Variants in CACNA2D3 observed in about 807,000 individuals in gnomAD.
CACNA2D3 encodes the protein calcium voltage-gated channel auxiliary subunit alpha2delta 3, also known as voltage-dependent calcium channel subunit alpha-2/delta-3.
CACNA2D3 carries 60 observed loss-of-function variants against 160.6 expected under a neutral mutation model. The ratio of observed to expected loss-of-function variants is 0.37; its 90% CI spans 0.30 to 0.46. The LOEUF (loss-of-function observed/expected upper bound fraction) is 0.46, where lower values mean the gene tolerates loss of function less well. CACNA2D3 is among the 20% of genes least tolerant of loss of function. The pLI is 1.00. For missense variants in CACNA2D3, 1,205 were observed against 1,365.0 expected (o/e 0.88, Z 1.85); for synonymous variants, 558 against 492.9 (o/e 1.13, Z -1.75).
At chr3:54,699,008 G>C (rs1700716790) in intron 11 of CACNA2D3, among the ~76,000 whole-genome samples, 1 of 152,150 alleles carries the variant, frequency 6.6e-6, no homozygotes, top group Admixed American at 6.5e-5. Context: ...AGGTAAGAAG[G>C]GTGTAATTAC....
At chr3:54,973,918 G>A (rs1421324325) in intron 29 of CACNA2D3, among the ~76,000 whole-genome samples, 2 of 152,162 alleles carry the variant, frequency 1.3e-5, no homozygotes, top group African/African-American at 4.8e-5. Flanking sequence ...GCACCTTCCT[G>A]TGCCTGATGT....
intron 6 of CACNA2D3, among the ~76,000 whole-genome samples, chr3:54,564,298 G>A (rs1267743234): frequency 6.6e-6 from 1 of 152,228 alleles, no homozygotes; most frequent in Non-Finnish European, 1.5e-5. Context: ...TAAAGGGTTT[G>A]TGTAATAGGG....
chr3:54,672,897 C>T (rs998066261), intron 11 of CACNA2D3, among the ~76,000 whole-genome samples: 2 of 152,126 alleles, frequency 1.3e-5, no homozygotes. Flanking sequence ...CCAATGACAA[C>T]GATTGTGATG....
At chr3:54,757,216 A>T (rs1036936857) in intron 12 of CACNA2D3, among the ~76,000 whole-genome samples, 4 of 152,114 alleles carry the variant, frequency 2.6e-5, no homozygotes, top group African/African-American at 9.7e-5. Context: ...CAGCTGTGCA[A>T]ATAAAGAAGG....
At chr3:54,671,754 G>A (rs555163496) in intron 11 of CACNA2D3, among the ~76,000 whole-genome samples, 1 of 152,288 alleles carries the variant, frequency 6.6e-6, no homozygotes, top group Admixed American at 6.5e-5. Flanking sequence ...AGCAGCCCTG[G>A]AAATGTAGAC....
intron 24 of CACNA2D3, among the ~76,000 whole-genome samples, chr3:54,888,329 G>A (rs572899670): frequency 6.6e-6 from 1 of 152,178 alleles, no homozygotes; most frequent in Non-Finnish European, 1.5e-5. Flanking sequence ...GAGGCGGAAG[G>A]GAACTTCGTT....
chr3:54,685,986 A>G lies in CACNA2D3; in HGVS notation c.1167+43745A>G, dbSNP rs548891555. On this transcript the variant is annotated intron_variant, in intron 11 of 37. Transcript: ENST00000474759. Reference sequence around the variant, plus strand: ...GCACCTGCCCTGAAAGGGGATCAGTAGGTGTTTGCTGCATTACATGGCTTT... The same window carrying G: ...GCACCTGCCCTGAAAGGGGATCAGTGGGTGTTTGCTGCATTACATGGCTTT... Among the ~76,000 whole-genome samples the G allele has an allele frequency of 2.5e-3, 382 of 152,320 alleles. 3 individuals carry two copies. The highest frequency in any genetic ancestry group is 8.8e-3 in the African/African-American group (366 of 41,576).
intron 31 of CACNA2D3, among the ~76,000 whole-genome samples, chr3:54,996,603 CACTTGTTTATCA>C (rs1205351060): frequency 2.6e-5 from 4 of 152,164 alleles, no homozygotes; most frequent in African/African-American, 9.7e-5. Flanking sequence ...GGGGCACTCA[CACTTGTTTATCA>C]AATCAGTGCT....
At chr3:54,544,667 G>A (rs1330321907) in intron 5 of CACNA2D3, among the ~76,000 whole-genome samples, 3 of 152,026 alleles carry the variant, frequency 2.0e-5, no homozygotes, top group African/African-American at 7.2e-5. Context: ...CAAAGCATTT[G>A]GATTACAGGC....
chr3:54,228,187 T>C (rs1238174421), intron 2 of CACNA2D3, among the ~76,000 whole-genome samples: 1 of 152,208 alleles, frequency 6.6e-6, no homozygotes, highest in Non-Finnish European at 1.5e-5. Context: ...CTTGGTCTAT[T>C]CTCCTGATTT....
At chr3:54,967,294 T>C (rs553426546) in intron 27 of CACNA2D3, among the ~76,000 whole-genome samples, 6 of 152,244 alleles carry the variant, frequency 3.9e-5, no homozygotes, top group African/African-American at 1.2e-4. Flanking sequence ...CCTTTATGAA[T>C]CTCCAAGTTC....
At chr3:54,233,896 A>C (rs1303355265) in intron 2 of CACNA2D3, among the ~76,000 whole-genome samples, 1 of 152,222 alleles carries the variant, frequency 6.6e-6, no homozygotes, top group Non-Finnish European at 1.5e-5. Context: ...AACACCAAAT[A>C]AGTTTTCATG....
At chr3:54,810,161 C>G (rs896079860) in intron 13 of CACNA2D3, among the ~76,000 whole-genome samples, 1 of 152,090 alleles carries the variant, frequency 6.6e-6, no homozygotes, top group African/African-American at 2.4e-5. Flanking sequence ...AGGAAAGAGC[C>G]CCACAAAGGC....
At chr3:54,232,171 G>C (rs891971142) in intron 2 of CACNA2D3, among the ~76,000 whole-genome samples, 11 of 152,240 alleles carry the variant, frequency 7.2e-5, no homozygotes, top group Non-Finnish European at 1.5e-4. Context: ...CAGCTGCAGA[G>C]TCAAACAGAT....
rs372492307 is a variant in CACNA2D3 at position 54,416,467 on chromosome 3, C to T, written c.381+29693C>T. ...CACAAATGTTTGTTAGAATCTGTTA[C>T]ATCCATAATGGTGACACAGTTAAAA... On this transcript the variant is annotated intron_variant, in intron 4 of 37. Coordinates refer to ENST00000474759, the MANE Select transcript of CACNA2D3 (RefSeq NM_018398.3). 1.6e-4 allele frequency among the ~76,000 whole-genome samples: 25 copies of T among 152,250 alleles called. 1 individual carries two copies. In the South Asian group the frequency reaches 5.2e-3, roughly 32 times the overall value.
At chr3:54,491,024 G>A (rs746225346) in intron 4 of CACNA2D3, among the ~76,000 whole-genome samples, 19 of 152,232 alleles carry the variant, frequency 1.2e-4, no homozygotes, top group Middle Eastern at 3.4e-3. Flanking sequence ...GAATATATAC[G>A]TATCTCATTA....
chr3:55,046,212 T>A (rs1305830838), intron 35 of CACNA2D3, among the ~76,000 whole-genome samples: 2 of 146,552 alleles, frequency 1.4e-5, no homozygotes, highest in Non-Finnish European at 3.0e-5. Flanking sequence ...TAACTCGTCA[T>A]CTAGCATTAG....
chr3:54,342,118 C>T (rs1460548218), intron 3 of CACNA2D3, among the ~76,000 whole-genome samples: 2 of 152,106 alleles, frequency 1.3e-5, no homozygotes, highest in East Asian at 3.8e-4. Context: ...CCATCAATAT[C>T]TATTTAATAT....
intron 2 of CACNA2D3, among the ~76,000 whole-genome samples, chr3:54,169,013 A>G (rs1198786589): frequency 6.6e-6 from 1 of 152,180 alleles, no homozygotes; most frequent in East Asian, 1.9e-4. Flanking sequence ...TGAGATTGAA[A>G]TAGATGTTTG....
Sources: allele counts gnomAD v4.1 joint callset (sites outside exome capture counted in the v4.1 genomes callset), GRCh38; gene constraint gnomAD v4.1.1; transcripts MANE v1.5; gene names NCBI Gene and HGNC (gene_info 2026-07-23, HGNC 2026-07-21).